Variants in COL18A1 observed in about 807,000 individuals in gnomAD.
The protein encoded by COL18A1 is collagen type XVIII alpha 1 chain, also known as collagen alpha-1(XVIII) chain.
In COL18A1, 133 loss-of-function variants were observed where a neutral mutation model predicts 168.0. The ratio of observed to expected loss-of-function variants is 0.79; its 90% confidence interval spans 0.69 to 0.91. The LOEUF (loss-of-function observed/expected upper bound fraction) is 0.91, where lower values mean the gene tolerates loss of function less well. COL18A1 is among the 40% of genes least tolerant of loss of function. The pLI is 0.00. For synonymous variants in COL18A1, 949 were observed against 809.0 expected (o/e 1.17, Z -2.94); for missense variants, 2,126 against 1,925.4 (o/e 1.10, Z -1.95).
At chr21:45,478,044 A>G in intron 8 of COL18A1, 79 bp downstream of exon 8, 1 of 823,990 alleles carries the variant, frequency 1.2e-6, no homozygotes, top group Non-Finnish European at 2.0e-6. Flanking sequence ...GCTGCGGCCG[A>G]CATGGGAGTG....
At chr21:45,447,772 A>G (rs2034535245) in intron 2 of COL18A1, among the ~76,000 whole-genome samples, 1 of 152,170 alleles carries the variant, frequency 6.6e-6, no homozygotes, top group African/African-American at 2.4e-5. Flanking sequence ...TGGGTAGAGC[A>G]TGGATGGTTC....
At chr21:45,453,852 A>G (rs1165624524) in intron 2 of COL18A1, among the ~76,000 whole-genome samples, 1 of 152,134 alleles carries the variant, frequency 6.6e-6, no homozygotes, top group African/African-American at 2.4e-5. Flanking sequence ...GGCTCTGCCC[A>G]GGAGGTGTAT....
intron 2 of COL18A1, among the ~76,000 whole-genome samples, chr21:45,438,572 G>T (rs1348178355): frequency 1.3e-5 from 2 of 152,246 alleles, no homozygotes. Flanking sequence ...GGGCTACTCT[G>T]CAGGGCTGGT....
At chr21:45,503,973 A>G (rs368579448) in intron 32 of COL18A1, 38 bp from the exon 33 acceptor site, 54 of 1,612,378 alleles carry the variant, frequency 3.3e-5, no homozygotes, top group Non-Finnish European at 8.5e-7. Flanking sequence ...GCTGTCAGAC[A>G]CCACCTCAGC....
chr21:45,488,571 G>A (rs1423877951), intron 18 of COL18A1, 127 bp downstream of exon 18: 3 of 1,390,110 alleles, frequency 2.2e-6, no homozygotes, highest in Non-Finnish European at 3.0e-6. Context: ...ATTCATCCTG[G>A]GAAGTTTGCA....
intron 2 of COL18A1, among the ~76,000 whole-genome samples, chr21:45,452,744 A>G (rs938606208): frequency 8.0e-5 from 12 of 150,376 alleles, no homozygotes; most frequent in East Asian, 2.0e-4. Flanking sequence ...GCATATATGT[A>G]CGTGTGATTG....
chr21:45,466,708 C>T (rs1402486167), intron 2 of COL18A1, among the ~76,000 whole-genome samples: 1 of 152,188 alleles, frequency 6.6e-6, no homozygotes, highest in Admixed American at 6.5e-5. Flanking sequence ...GCGTTGCTGT[C>T]ACTGGGGTCC....
chr21:45,475,718 C>T lies in COL18A1; in HGVS notation c.798+183C>T, dbSNP rs56871848. ...CAGACGCTCGGAGCCTGGGCACAGG[C>T]CCCGCTCCGGCCCTGCCTGGCCGCC... is the stretch of plus-strand genomic sequence containing the variant. On this transcript the variant is annotated intron_variant, in intron 5 of 41. Coordinates refer to ENST00000651438, the MANE Select transcript of COL18A1 (RefSeq NM_001379500.1). Among the ~76,000 whole-genome samples the T allele has an allele frequency of 4.4e-3, 673 of 151,952 alleles. 9 individuals carry two copies. The highest frequency in any genetic ancestry group is 0.016 in the African/African-American group (651 of 41,264).
At chr21:45,437,138 C>CCTG (rs139223681) in intron 2 of COL18A1, among the ~76,000 whole-genome samples, 41,397 of 108,664 alleles carry the variant, frequency 0.38, 9,457 homozygotes, top group African/African-American at 0.55. Flanking sequence ...CAGGCACTCT[C>CCTG]CACACACACT....
chr21:45,487,520 G>C lies in COL18A1; in HGVS notation c.1896+11G>C. 6.2e-7 allele frequency: 1 copy of C among 1,612,626 alleles called. No individual in the cohort carries two copies. ...GCTGATGGGCCACAGGTAGTGTTGT[G>C]AGCTGGGCGTGGCCGGCTCTGAGGG... On this transcript the variant is annotated intron_variant, in intron 17 of 41. Coordinates refer to ENST00000651438, the MANE Select transcript of COL18A1 (RefSeq NM_001379500.1).
chr21:45,476,485 G>A lies in COL18A1; in HGVS notation c.928+5G>A. 1 of 1,596,678 alleles carries A rather than the reference G, an allele frequency of 6.3e-7. No individual in the cohort carries two copies. The highest frequency in any genetic ancestry group is 2.3e-5 in the East Asian group (1 of 44,040). On this transcript the variant is annotated splice_donor_5th_base_variant and intron_variant, in intron 6 of 41. Coordinates refer to ENST00000651438, the MANE Select transcript of COL18A1 (RefSeq NM_001379500.1). Reference sequence around the variant, plus strand: ...CCACGGTGGCTTCGTTAGGAGGTAAGCTCTTTTCTGGATGTGGTGTGTGTG... The same window carrying A: ...CCACGGTGGCTTCGTTAGGAGGTAAACTCTTTTCTGGATGTGGTGTGTGTG...
At chr21:45,416,747 T>G (rs13051207) in intron 2 of COL18A1, among the ~76,000 whole-genome samples, 77,867 of 151,998 alleles carry the variant, frequency 0.51, 21,812 homozygotes, top group Middle Eastern at 0.65. Flanking sequence ...GTGCAGCCTC[T>G]ACTCTCCCAC....
chr21:45,453,822 G>A (rs965614301), intron 2 of COL18A1, among the ~76,000 whole-genome samples: 11 of 152,330 alleles, frequency 7.2e-5, no homozygotes, highest in East Asian at 1.9e-4. Flanking sequence ...ATTGCTAGGC[G>A]TAATCAGTTC....
chr21:45,415,954 G>A (rs1001465522), intron 2 of COL18A1, among the ~76,000 whole-genome samples: 7 of 152,192 alleles, frequency 4.6e-5, no homozygotes, highest in South Asian at 2.1e-4. Context: ...AGAACACTGC[G>A]TGGGCCCTCG....
Position 45,480,964 on chromosome 21 carries a change from C to T in COL18A1, c.1611+106C>T, listed in dbSNP as rs147397191. 1.8e-3 allele frequency: 2,560 copies of T among 1,454,538 alleles called. 35 individuals carry two copies. The African/African-American group carries it at 0.032, about 18-fold the overall frequency. The allele number at this position is 1,454,538 out of a possible 1,614,324, so 90.1% of individuals were successfully genotyped here. On this transcript the variant is annotated intron_variant, in intron 13 of 41. Coordinates refer to ENST00000651438, the MANE Select transcript of COL18A1 (RefSeq NM_001379500.1). ...CCCCGCCTCAGGCCTCCCCAGTCCC[C>T]GCCTCCTCACCTCATCTCCTCTAGG... is the stretch of plus-strand genomic sequence containing the variant.
intron 15 of COL18A1, among the ~76,000 whole-genome samples, chr21:45,486,623 C>T (rs2036122757): frequency 6.6e-6 from 1 of 152,350 alleles, no homozygotes; most frequent in East Asian, 1.9e-4. Flanking sequence ...CATGTGGGCC[C>T]AACCCCGACC....
chr21:45,476,302 C>A (rs562399558), intron 5 of COL18A1, 49 bp from the exon 6 acceptor site: 1 of 1,612,304 alleles, frequency 6.2e-7, no homozygotes, highest in African/African-American at 1.3e-5. Context: ...AAGTCTCCAC[C>A]GGGCATCTGC....
In COL18A1 at chr21:45,498,700, G is replaced by A. The variant is rs994827480; in HGVS notation, c.2683+1039G>A. ...TGGATCTCTCAGCGTCACACACGACGCCCAGGAAGGAGTGAATGATGCACA... is the reference window on the plus strand; with the variant it reads ...TGGATCTCTCAGCGTCACACACGACACCCAGGAAGGAGTGAATGATGCACA... On this transcript the variant is annotated intron_variant, in intron 32 of 41. Transcript: ENST00000651438. This position sits in a 1 kb window ranked among gnomAD's most constrained non-coding sequence, Gnocchi z 4.5. 3.6e-5 allele frequency: 23 copies of A among 643,920 alleles called. No individual in the cohort carries two copies. Among genetic ancestry groups the A allele is most frequent in the East Asian group, 8.2e-5 (3 of 36,702 alleles). The allele number at this position is 643,920 out of a possible 1,614,324, so 39.9% of individuals were successfully genotyped here.
chr21:45,490,381 G>A (rs760315008), intron 20 of COL18A1, 35 bp downstream of exon 20: 44 of 1,500,782 alleles, frequency 2.9e-5, no homozygotes, highest in Admixed American at 9.8e-5. Flanking sequence ...GTGCAGGGGG[G>A]GCGTGGAGCC....
Sources: gnomAD v4.1 joint callset for allele counts (sites outside exome capture counted in the v4.1 genomes callset) on GRCh38, gnomAD v4.1.1 for gene constraint, Gnocchi (gnomAD v3.1) non-coding constraint, MANE v1.5 for transcripts, NCBI Gene and HGNC (gene_info 2026-07-23, HGNC 2026-07-21) for gene names.